The following CCDC170 variants were observed in gnomAD, a reference collection of about 807,000 sequenced individuals.
CCDC170 encodes coiled-coil domain containing 170.
CCDC170 carries 69 observed loss-of-function variants against 72.6 expected under a neutral mutation model. The ratio of observed to expected loss-of-function variants is 0.95; its 90% CI spans 0.78 to 1.16. CCDC170 has a LOEUF of 1.16. CCDC170 is among the 50% of genes most tolerant of loss of function. The probability of loss-of-function intolerance (pLI) is 0.00; values close to 1 mark genes in which losing one functional copy is unlikely to be tolerated. For missense variants in CCDC170, 852 were observed against 832.5 expected (o/e 1.02, Z -0.29); for synonymous variants, 300 against 303.9 (o/e 0.99, Z 0.13).
intron 3 of CCDC170, among the ~76,000 whole-genome samples, chr6:151,539,135 C>T (rs1301298443): frequency 6.6e-6 from 1 of 152,092 alleles, no homozygotes; most frequent in Non-Finnish European, 1.5e-5. Context: ...TGCCAGGTGC[C>T]TTTAATCCCA....
chr6:151,617,829 A>C (rs541418537), intron 10 of CCDC170, 118 bp from the exon 11 acceptor site: 12 of 855,228 alleles, frequency 1.4e-5, no homozygotes, highest in Admixed American at 7.9e-5. Context: ...AGAGTAGATA[A>C]TTTCCCTACC....
At chr6:151,589,634 A>G (rs1776504473) in intron 7 of CCDC170, among the ~76,000 whole-genome samples, 1 of 139,858 alleles carries the variant, frequency 7.2e-6, no homozygotes, top group Non-Finnish European at 1.5e-5. Flanking sequence ...CTAGGGAAAC[A>G]ACCTACTAAC....
chr6:151,586,236 A>G (rs1776449543), intron 7 of CCDC170, 147 bp downstream of exon 7: 3 of 749,762 alleles, frequency 4.0e-6, no homozygotes, highest in Non-Finnish European at 4.2e-6. Flanking sequence ...ATGGGTTTGG[A>G]GCTTCCTTGA....
At chr6:151,553,755 TA>T (rs933054543) in intron 5 of CCDC170, among the ~76,000 whole-genome samples, 4 of 152,070 alleles carry the variant, frequency 2.6e-5, no homozygotes, top group African/African-American at 7.2e-5. Flanking sequence ...ATATGGGCAA[TA>T]AAAAAACTTG....
chr6:151,608,589 A>T (rs193285433), intron 9 of CCDC170, among the ~76,000 whole-genome samples: 28 of 152,312 alleles, frequency 1.8e-4, no homozygotes, highest in Non-Finnish European at 3.1e-4. Context: ...TGTTAGCAGT[A>T]TCTGTGAGTA....
In CCDC170 at chr6:151,593,225, T is replaced by A. The variant is rs1338833782; in HGVS notation, c.1412T>A (p.Leu471His). The A allele has an allele frequency of 1.2e-6, 2 of 1,614,094 alleles. No individual in the cohort carries two copies. The highest frequency in any genetic ancestry group is 1.3e-5 in the African/African-American group (1 of 74,942). The change falls in exon 8 of 11, where the codon CTT (leucine) becomes CAT (histidine). Residue 471 changes from leucine (L) to histidine (H), a missense_variant. Coordinates refer to ENST00000239374, the MANE Select transcript of CCDC170 (RefSeq NM_025059.4). ...GCTCGAACAGAGCAGCTGGTTCGTCTTGAGAGCAATGCAGTCATTGAGAAC... is the reference window on the plus strand; with the variant it reads ...GCTCGAACAGAGCAGCTGGTTCGTCATGAGAGCAATGCAGTCATTGAGAAC... The part of the protein sequence containing the change: ...VLARTEQLVR[L>H]ESNAVIENKT...
chr6:151,567,619 A>C (rs1220728591), intron 5 of CCDC170, among the ~76,000 whole-genome samples: 2 of 152,208 alleles, frequency 1.3e-5, no homozygotes, highest in Non-Finnish European at 2.9e-5. Flanking sequence ...AGTTATGTTT[A>C]AATATGATGA....
At chr6:151,607,817 G>A (rs1216340214) in intron 9 of CCDC170, among the ~76,000 whole-genome samples, 7 of 152,230 alleles carry the variant, frequency 4.6e-5, no homozygotes, top group African/African-American at 4.8e-5. Flanking sequence ...GCCTGAGAGA[G>A]GTTTTTTGGG....
intron 6 of CCDC170, among the ~76,000 whole-genome samples, chr6:151,582,633 G>T (rs1287769956): frequency 6.6e-6 from 1 of 152,182 alleles, no homozygotes; most frequent in Non-Finnish European, 1.5e-5. Context: ...TTTGGCTCAT[G>T]GTTCTGCAGG....
At chr6:151,573,996 T>C (rs1332131246) in intron 6 of CCDC170, among the ~76,000 whole-genome samples, 1 of 152,152 alleles carries the variant, frequency 6.6e-6, no homozygotes, top group East Asian at 1.9e-4. Context: ...GTAACCCCAG[T>C]CCATTTGGAG....
intron 7 of CCDC170, among the ~76,000 whole-genome samples, chr6:151,591,454 G>A (rs1158152652): frequency 3.3e-5 from 4 of 120,000 alleles, no homozygotes; most frequent in Admixed American, 1.6e-4. Context: ...TTTATACAGC[G>A]CTGTTTTAGG....
intron 5 of CCDC170, among the ~76,000 whole-genome samples, chr6:151,551,972 C>A (rs1782885046): frequency 6.6e-6 from 1 of 151,998 alleles, no homozygotes; most frequent in Non-Finnish European, 1.5e-5. Flanking sequence ...AGTTTTCTTC[C>A]CCAAATTTGG....
At chr6:151,614,302 T>C (rs1482859856) in intron 9 of CCDC170, among the ~76,000 whole-genome samples, 1 of 152,142 alleles carries the variant, frequency 6.6e-6, no homozygotes, top group East Asian at 1.9e-4. Context: ...CCTGGTGACT[T>C]CTATCTTACA....
Position 151,576,293 on chromosome 6 carries a change from G to A in CCDC170, c.1092+2802G>A, listed in dbSNP as rs745847833. 9.2e-5 allele frequency among the ~76,000 whole-genome samples: 14 copies of A among 152,234 alleles called. No individual in the cohort carries two copies. The South Asian group carries it at 1.9e-3, about 20-fold the overall frequency. On this transcript the variant is annotated intron_variant, in intron 6 of 10. Transcript: ENST00000239374. ...TAGGGTAGGCGAAGCCATGATATTC[G>A]GTAGGTTAGGTATATTAAATGCATT...
At chr6:151,508,972 G>T (rs1782102950) in intron 1 of CCDC170, among the ~76,000 whole-genome samples, 1 of 145,922 alleles carries the variant, frequency 6.9e-6, no homozygotes. Context: ...GCGAGATCAT[G>T]CCATTGCACT....
chr6:151,509,470 A>C (rs577665309), intron 1 of CCDC170, among the ~76,000 whole-genome samples: 35 of 152,286 alleles, frequency 2.3e-4, no homozygotes, highest in Admixed American at 2.2e-3. Context: ...ACCTGAAGTT[A>C]ATTAATTTTT....
Position 151,585,848 on chromosome 6 carries a change from C to T in CCDC170, c.1093-41C>T, listed in dbSNP as rs527525722. 457 of 1,591,660 alleles carry T rather than the reference C, an allele frequency of 2.9e-4. 4 individuals carry two copies. In the South Asian group the frequency reaches 3.6e-3, roughly 13 times the overall value. On this transcript the variant is annotated intron_variant, in intron 6 of 10. Transcript: ENST00000239374. Reference sequence around the variant, plus strand: ...AGTAGATGTGAACACTTCCTTGCATCTGAAACAAGGCTTATTCTTGATCTG... The same window carrying T: ...AGTAGATGTGAACACTTCCTTGCATTTGAAACAAGGCTTATTCTTGATCTG...
intron 6 of CCDC170, among the ~76,000 whole-genome samples, chr6:151,576,722 CGT>C (rs1306774718): frequency 6.6e-6 from 1 of 152,042 alleles, no homozygotes; most frequent in East Asian, 1.9e-4. Context: ...CTCATCTTCA[CGT>C]AAAATCAGGA....
At position 151,544,556 on chromosome 6, in the gene CCDC170, G is replaced by C; in HGVS notation, c.444-16G>C. The C allele has an allele frequency of 6.2e-7, 1 of 1,602,110 alleles. No individual in the cohort carries two copies. The highest frequency in any genetic ancestry group is 8.5e-7 in the Non-Finnish European group (1 of 1,170,604). ...CATGGTGTTAAATTCTGACTTATTT[G>C]TTATTTGCCTAACAGAAAGTGTTCA... is the stretch of plus-strand genomic sequence containing the variant. On this transcript the variant is annotated splice_polypyrimidine_tract_variant and intron_variant, in intron 3 of 10. Transcript: ENST00000239374.
Sources: gnomAD v4.1 joint callset for allele counts (sites outside exome capture counted in the v4.1 genomes callset) on GRCh38, gnomAD v4.1.1 for gene constraint, MANE v1.5 for transcripts, NCBI Gene and HGNC (gene_info 2026-07-23, HGNC 2026-07-21) for gene names.